CDK8: variants seen among roughly 807,000 people sequenced by gnomAD.
The protein encoded by CDK8 is cyclin-dependent kinase 8.
A neutral mutation model predicts 71.5 loss-of-function variants in CDK8; 29 were observed. The observed-to-expected ratio is 0.41, with a 90% CI of 0.30 to 0.55. The LOEUF is 0.55. Ranked by LOEUF, CDK8 falls within the 20% of genes least tolerant of loss-of-function variation. The pLI, the probability that CDK8 is intolerant of heterozygous loss-of-function variation, is 0.37. For missense variants in CDK8, 288 were observed against 572.6 expected (o/e 0.50, Z 5.07); for synonymous variants, 161 against 192.1 (o/e 0.84, Z 1.34).
chr13:26,259,603 G>T (rs148965044), intron 1 of CDK8, among the ~76,000 whole-genome samples: 193 of 152,252 alleles, frequency 1.3e-3, no homozygotes, highest in African/African-American at 3.7e-3. Flanking sequence ...TTTCCATGTG[G>T]TTGAAGTTAC....
intron 2 of CDK8, among the ~76,000 whole-genome samples, chr13:26,340,144 CATAG>C (rs1239436695): frequency 6.7e-6 from 1 of 150,252 alleles, no homozygotes; most frequent in African/African-American, 2.5e-5. Context: ...CTTTTTTCTG[CATAG>C]ATAAAAGCAA....
intron 3 of CDK8, among the ~76,000 whole-genome samples, chr13:26,351,887 A>G (rs1050416054): frequency 3.9e-5 from 6 of 152,272 alleles, no homozygotes; most frequent in African/African-American, 9.6e-5. Context: ...TTTAAAAATC[A>G]CTTAGGCGTT....
chr13:26,327,111 G>A (rs1294509767), intron 1 of CDK8, among the ~76,000 whole-genome samples: 2 of 152,110 alleles, frequency 1.3e-5, no homozygotes, highest in Non-Finnish European at 2.9e-5. Flanking sequence ...TATTGTACCA[G>A]TTTTTGTATA....
rs1036039034 is a variant in CDK8, at chr13:26,401,081, G to T, written c.1032-188G>T. Among the ~76,000 whole-genome samples, 1 of 152,158 alleles carries T rather than the reference G, an allele frequency of 6.6e-6. No individual in the cohort carries two copies. Among genetic ancestry groups the T allele is most frequent in the African/African-American group, 2.4e-5 (1 of 41,436 alleles). ...ATTTGTATACAGCTCAAGCCCTCAAGTAGCCTGCTGTAATATTACTAGTTA... is the reference window on the plus strand; with the variant it reads ...ATTTGTATACAGCTCAAGCCCTCAATTAGCCTGCTGTAATATTACTAGTTA... On this transcript the variant is annotated intron_variant, in intron 10 of 12. Coordinates refer to ENST00000381527, the MANE Select transcript of CDK8 (RefSeq NM_001260.3). This position sits in a 1 kb window ranked among gnomAD's most constrained non-coding sequence, Gnocchi z 4.5.
chr13:26,349,705 C>A (rs776368469), intron 3 of CDK8, among the ~76,000 whole-genome samples: 7 of 152,030 alleles, frequency 4.6e-5, no homozygotes, highest in Non-Finnish European at 8.8e-5. Flanking sequence ...ACTTTCTTGC[C>A]TTTTTTAACA....
At chr13:26,344,187 G>A (rs1350668823) in intron 2 of CDK8, among the ~76,000 whole-genome samples, 1 of 152,036 alleles carries the variant, frequency 6.6e-6, no homozygotes, top group Non-Finnish European at 1.5e-5. Context: ...TAGGGTTATG[G>A]CCTCCAGCTG....
At chr13:26,321,607 A>G (rs1874779645) in intron 1 of CDK8, among the ~76,000 whole-genome samples, 1 of 152,196 alleles carries the variant, frequency 6.6e-6, no homozygotes, top group African/African-American at 2.4e-5. Flanking sequence ...TATGTAAACT[A>G]TATAACTATG....
At chr13:26,361,811 T>TTTC (rs1874155110) in intron 4 of CDK8, among the ~76,000 whole-genome samples, 1 of 133,528 alleles carries the variant, frequency 7.5e-6, no homozygotes, top group Non-Finnish European at 1.5e-5. Flanking sequence ...TTTTTTTTTT[T>TTTC]TTGAGACAGG....
In CDK8 at chr13:26,382,872, GTATGT is replaced by G. The variant is rs748403142; in HGVS notation, c.514+5_514+9del. ...CCTGAGCGAGGAAGAGTAAAAATTGGTATGTTATATCTTTGCTAAGTCACAGTGTA... is the reference window on the plus strand; with the variant it reads ...CCTGAGCGAGGAAGAGTAAAAATTGGTATATCTTTGCTAAGTCACAGTGTA... On this transcript the variant is annotated splice_donor_variant and splice_donor_5th_base_variant and intron_variant, in intron 5 of 12. Coordinates refer to ENST00000381527, the MANE Select transcript of CDK8 (RefSeq NM_001260.3). LOFTEE classifies it high-confidence loss of function. 1 of 1,593,382 alleles carries G rather than the reference GTATGT, an allele frequency of 6.3e-7. No homozygotes were observed.
chr13:26,267,162 G>T (rs533070361), intron 1 of CDK8, among the ~76,000 whole-genome samples: 89 of 147,164 alleles, frequency 6.0e-4, no homozygotes, highest in African/African-American at 2.4e-3. Context: ...TAATAAATAT[G>T]TAGTCAACCA....
At chr13:26,306,437 G>A (rs1310901342) in intron 1 of CDK8, among the ~76,000 whole-genome samples, 13 of 151,950 alleles carry the variant, frequency 8.6e-5, no homozygotes, top group Non-Finnish European at 1.8e-4. Context: ...TTTAATTATA[G>A]TTTTGCTTAT....
chr13:26,344,716 C>G (rs907558960), intron 2 of CDK8, among the ~76,000 whole-genome samples: 5 of 151,486 alleles, frequency 3.3e-5, no homozygotes, highest in Non-Finnish European at 5.9e-5. Flanking sequence ...CATGCCACTT[C>G]ACTTCAGCCT....
intron 1 of CDK8, among the ~76,000 whole-genome samples, chr13:26,270,114 G>T (rs1016770425): frequency 1.5e-4 from 23 of 151,954 alleles, no homozygotes; most frequent in Non-Finnish European, 1.2e-4. Context: ...GTTTAGCTAG[G>T]TGTGGTGGCT....
intron 1 of CDK8, among the ~76,000 whole-genome samples, chr13:26,328,464 G>A (rs888275545): frequency 1.3e-5 from 2 of 152,092 alleles, no homozygotes; most frequent in African/African-American, 4.8e-5. Flanking sequence ...TCCAGAACAG[G>A]CTCCTAAACC....
At chr13:26,339,769 A>G (rs1233030209) in intron 2 of CDK8, among the ~76,000 whole-genome samples, 1 of 146,778 alleles carries the variant, frequency 6.8e-6, no homozygotes, top group African/African-American at 2.5e-5. Context: ...ATATATATAT[A>G]TATAGTGTAG....
intron 4 of CDK8, among the ~76,000 whole-genome samples, chr13:26,365,391 G>A (rs565605657): frequency 2.6e-5 from 4 of 152,140 alleles, no homozygotes; most frequent in African/African-American, 9.6e-5. Context: ...CATGCACAAT[G>A]TACTGTTTTA....
intron 2 of CDK8, among the ~76,000 whole-genome samples, chr13:26,345,402 G>A (rs934389480): frequency 1.2e-4 from 19 of 152,076 alleles, no homozygotes; most frequent in African/African-American, 4.1e-4. Context: ...TTTGTATTGA[G>A]ATGGAGCCTC....
chr13:26,313,606 G>A (rs1028381537), intron 1 of CDK8, among the ~76,000 whole-genome samples: 5 of 152,188 alleles, frequency 3.3e-5, no homozygotes, highest in Non-Finnish European at 7.3e-5. Context: ...AGCCAGCTAT[G>A]CTTGGGAGAT....
chr13:26,393,350 T>TTTTTTTTTTTTTTTA lies in CDK8; in HGVS notation c.647-16_647-15insTTTTTTTTTTTTTAT. The TTTTTTTTTTTTTTTA allele has an allele frequency of 6.8e-7, 1 of 1,480,802 alleles. No individual in the cohort carries two copies. Among genetic ancestry groups the TTTTTTTTTTTTTTTA allele is most frequent in the Non-Finnish European group, 9.1e-7 (1 of 1,099,932 alleles). 91.7% of individuals were successfully genotyped at this position (1,480,802 alleles called of 1,614,324 possible). A position where few individuals can be genotyped will look rare whatever the true frequency, so the allele number is the denominator to read the frequency against. The stretch of plus-strand genomic sequence containing the variant: ...TGCCTATTTTTCTTTCTTTTTTTTT[T>TTTTTTTTTTTTTTTA]TCTTTTTGTTTTAAAGATATTTGGG... On this transcript the variant is annotated splice_polypyrimidine_tract_variant and intron_variant, in intron 6 of 12. Coordinates refer to ENST00000381527, the MANE Select transcript of CDK8 (RefSeq NM_001260.3).
Sources: allele counts gnomAD v4.1 joint callset (sites outside exome capture counted in the v4.1 genomes callset), GRCh38; gene constraint gnomAD v4.1.1; non-coding constraint Gnocchi (gnomAD v3.1); transcripts MANE v1.5; gene names NCBI Gene and HGNC (gene_info 2026-07-23, HGNC 2026-07-21).